The following XKR6 variants were observed in gnomAD, a reference collection of about 807,000 sequenced individuals.
The protein encoded by XKR6 is XK-related protein 6.
A neutral mutation model predicts 56.7 loss-of-function variants in XKR6; 22 were observed. The observed-to-expected ratio is 0.39, with a 90% CI of 0.28 to 0.55. XKR6 has a LOEUF of 0.55. XKR6 is among the 20% of genes least tolerant of loss of function. The pLI, the probability that XKR6 is intolerant of heterozygous loss-of-function variation, is 0.66. For missense variants in XKR6, 852 were observed against 889.0 expected (o/e 0.96, Z 0.53); for synonymous variants, 524 against 387.8 (o/e 1.35, Z -4.13).
At chr8:10,984,722 CTCTCTCTCTCTA>C (rs1408315373) in intron 1 of XKR6, among the ~76,000 whole-genome samples, 12 of 79,228 alleles carry the variant, frequency 1.5e-4, no homozygotes, top group Admixed American at 4.3e-4. Flanking sequence ...CTCTCTCTCT[CTCTCTCTCTCTA>C]TATATATATA....
In XKR6 at chr8:10,983,840, T is replaced by G. The variant is rs555627946; in HGVS notation, c.765-59010A>C. Among the ~76,000 whole-genome samples the G allele has an allele frequency of 3.3e-5, 5 of 152,016 alleles. No homozygotes were observed. In the East Asian group the frequency reaches 7.7e-4, roughly 24 times the overall value. ...CCGGCTAATTTTTTGTATTTTTCGT[T>G]GAGTTGGGGTTTCACCGTGTTAGCC... On this transcript the variant is annotated intron_variant, in intron 1 of 2. Coordinates refer to ENST00000416569, the MANE Select transcript of XKR6 (RefSeq NM_173683.4).
At chr8:10,959,068 G>A (rs937456847) in intron 1 of XKR6, among the ~76,000 whole-genome samples, 4 of 152,316 alleles carry the variant, frequency 2.6e-5, no homozygotes, top group Non-Finnish European at 2.9e-5. Context: ...TCTGAGTTGC[G>A]ACCACCTCTC....
chr8:11,023,160 G>A (rs963187080), intron 1 of XKR6, among the ~76,000 whole-genome samples: 1 of 152,182 alleles, frequency 6.6e-6, no homozygotes, highest in East Asian at 1.9e-4. Context: ...TGGGCAGGTG[G>A]AAAGCTGGGG....
intron 1 of XKR6, among the ~76,000 whole-genome samples, chr8:10,947,394 G>C (rs1194818134): frequency 6.6e-6 from 1 of 152,174 alleles, no homozygotes; most frequent in East Asian, 1.9e-4. Context: ...CCAGGCTGGA[G>C]ATGCAGACAG....
intron 2 of XKR6, among the ~76,000 whole-genome samples, chr8:10,919,224 G>A (rs1017291168): frequency 6.6e-6 from 1 of 152,092 alleles, no homozygotes; most frequent in African/African-American, 2.4e-5. Flanking sequence ...TACTCCCATT[G>A]CCCAGAAGGC....
intron 1 of XKR6, among the ~76,000 whole-genome samples, chr8:11,090,700 A>G (rs997499811): frequency 6.6e-6 from 1 of 152,282 alleles, no homozygotes; most frequent in South Asian, 2.1e-4. Context: ...GTGCCTGTTC[A>G]TATTTTTTGC....
intron 1 of XKR6, among the ~76,000 whole-genome samples, chr8:11,092,525 A>G (rs1798107237): frequency 6.6e-6 from 1 of 152,154 alleles, no homozygotes; most frequent in Non-Finnish European, 1.5e-5. Flanking sequence ...CCATGATGTG[A>G]AAGCTCTGCA....
At chr8:11,066,179 G>T (rs1280778194) in intron 1 of XKR6, among the ~76,000 whole-genome samples, 1 of 152,168 alleles carries the variant, frequency 6.6e-6, no homozygotes, top group East Asian at 1.9e-4. Context: ...CCTCCCTGTG[G>T]CTTGCCTCTG....
intron 1 of XKR6, among the ~76,000 whole-genome samples, chr8:11,126,269 T>C (rs1447582353): frequency 6.6e-6 from 1 of 152,106 alleles, no homozygotes; most frequent in East Asian, 1.9e-4. Flanking sequence ...GGGTTCACTA[T>C]ATTGGTCAGG....
chr8:11,158,330 A>G (rs967542029), intron 1 of XKR6, among the ~76,000 whole-genome samples: 1 of 152,222 alleles, frequency 6.6e-6, no homozygotes, highest in Non-Finnish European at 1.5e-5. Context: ...TCGCCAAGAA[A>G]AGAGGAAGAC....
intron 1 of XKR6, among the ~76,000 whole-genome samples, chr8:11,178,602 CAAATAT>C (rs1337501106): frequency 1.3e-4 from 16 of 121,080 alleles, no homozygotes; most frequent in Non-Finnish European, 2.2e-4. Flanking sequence ...CACACACACA[CAAATAT>C]ATATATATAT....
intron 2 of XKR6, among the ~76,000 whole-genome samples, chr8:10,916,547 C>T (rs1800568978): frequency 1.3e-5 from 2 of 152,324 alleles, no homozygotes; most frequent in Middle Eastern, 3.4e-3. Flanking sequence ...GGAGGCCATT[C>T]AACTGATCAA....
chr8:10,999,332 A>T (rs1798187638), intron 1 of XKR6, among the ~76,000 whole-genome samples: 1 of 152,250 alleles, frequency 6.6e-6, no homozygotes, highest in Non-Finnish European at 1.5e-5. Context: ...GGCTAAGGAG[A>T]TGCACATAAT....
chr8:10,958,846 G>C (rs186705470), intron 1 of XKR6, among the ~76,000 whole-genome samples: 17 of 152,322 alleles, frequency 1.1e-4, no homozygotes, highest in African/African-American at 3.8e-4. Context: ...AGAAGCCTTA[G>C]GAACTATTAT....
At chr8:11,070,204 G>A (rs1800081383) in intron 1 of XKR6, among the ~76,000 whole-genome samples, 1 of 152,174 alleles carries the variant, frequency 6.6e-6, no homozygotes, top group Non-Finnish European at 1.5e-5. Flanking sequence ...CTCCAGGACT[G>A]TCACTACTCA....
chr8:11,111,245 G>C (rs1320318922), intron 1 of XKR6, among the ~76,000 whole-genome samples: 2 of 151,926 alleles, frequency 1.3e-5, no homozygotes, highest in Admixed American at 6.6e-5. Context: ...CTACCCTTTT[G>C]GCTACTAATT....
At chr8:11,113,668 A>T (rs1799015122) in intron 1 of XKR6, among the ~76,000 whole-genome samples, 1 of 152,218 alleles carries the variant, frequency 6.6e-6, no homozygotes, top group Non-Finnish European at 1.5e-5. Context: ...TTGTTTAAAA[A>T]AAAATTTCAA....
intron 1 of XKR6, among the ~76,000 whole-genome samples, chr8:11,170,629 A>C (rs1429668385): frequency 6.6e-6 from 1 of 152,228 alleles, no homozygotes; most frequent in South Asian, 2.1e-4. Context: ...CATTTGTGGT[A>C]ATCGTTGCAC....
At chr8:10,953,977 A>G (rs530723404) in intron 1 of XKR6, among the ~76,000 whole-genome samples, 1 of 152,332 alleles carries the variant, frequency 6.6e-6, no homozygotes, top group South Asian at 2.1e-4. Flanking sequence ...GCCACAGTGT[A>G]GCATGCATCA....
Sources: gnomAD v4.1 joint callset for allele counts (sites outside exome capture counted in the v4.1 genomes callset) on GRCh38, gnomAD v4.1.1 for gene constraint, MANE v1.5 for transcripts, NCBI Gene and HGNC (gene_info 2026-07-23, HGNC 2026-07-21) for gene names.